The following PIEZO2 variants were observed in gnomAD, a reference collection of about 807,000 sequenced individuals.
PIEZO2 encodes piezo-type mechanosensitive ion channel component 2.
Under a neutral mutation model 337.3 loss-of-function variants are expected in PIEZO2, and 172 were observed. That is an observed-to-expected ratio of 0.51 (90% CI 0.45 to 0.58). The LOEUF (loss-of-function observed/expected upper bound fraction) is 0.58, where lower values mean the gene tolerates loss of function less well. PIEZO2 is among the 20% of genes least tolerant of loss of function. PIEZO2 has a pLI of 0.00. For missense variants in PIEZO2, 3,028 were observed against 3,391.3 expected (o/e 0.89, Z 2.66); for synonymous variants, 1,251 against 1,228.5 (o/e 1.02, Z -0.38).
chr18:11,060,511 A>G (rs1391681960), intron 2 of PIEZO2, among the ~76,000 whole-genome samples: 3 of 152,168 alleles, frequency 2.0e-5, no homozygotes, highest in African/African-American at 7.2e-5. Flanking sequence ...GACTGCTAGC[A>G]AGACTAATAA....
chr18:10,977,677 C>T (rs1214952326), intron 3 of PIEZO2, among the ~76,000 whole-genome samples: 1 of 152,116 alleles, frequency 6.6e-6, no homozygotes, highest in Non-Finnish European at 1.5e-5. Flanking sequence ...AATGGGATAA[C>T]ATGTGGTTTT....
intron 45 of PIEZO2, 74 bp downstream of exon 45, chr18:10,697,674 C>G: frequency 6.5e-7 from 1 of 1,549,536 alleles, no homozygotes; most frequent in Non-Finnish European, 8.7e-7. Context: ...CTGCTCTGCT[C>G]CTGGTTTATA....
chr18:10,807,117 G>A lies in PIEZO2; in HGVS notation c.1075C>T (p.Pro359Ser). The A allele has an allele frequency of 6.5e-7, 1 of 1,534,756 alleles. No individual in the cohort carries two copies. Among genetic ancestry groups the A allele is most frequent in the South Asian group, 1.2e-5 (1 of 83,894 alleles). The change falls in exon 8 of 56, where the codon CCC (proline) becomes TCC (serine). Residue 359 changes from proline to serine, a missense_variant. Transcript: ENST00000674853. ...ATLIRIWLQE[P>S]LVQDEGTKEE... is the part of the protein sequence containing the mutation. ...GAAAATGTTTTTGTCCTTACAAGGG[G>A]CTCTTGCAGCCAGATGCGGATCAGA...
chr18:10,872,053 T>C lies in PIEZO2; in HGVS notation c.330-638A>G, dbSNP rs1302758158. Among the ~76,000 whole-genome samples, 2 of 152,186 alleles carry C rather than the reference T, an allele frequency of 1.3e-5. No individual in the cohort carries two copies. Among genetic ancestry groups the C allele is most frequent in the Non-Finnish European group, 2.9e-5 (2 of 68,038 alleles). ...CATCTGTTCTGCTGTGCTGAGGAAG[T>C]AATACTATTTGCCTTCCTTATTTTG... On this transcript the variant is annotated intron_variant, in intron 4 of 55. Coordinates refer to ENST00000674853, the MANE Select transcript of PIEZO2 (RefSeq NM_001378183.1). This position sits in a 1 kb window ranked among gnomAD's most constrained non-coding sequence, Gnocchi z 4.3.
At chr18:10,985,196 G>A (rs533427320) in intron 2 of PIEZO2, among the ~76,000 whole-genome samples, 42 of 151,874 alleles carry the variant, frequency 2.8e-4, no homozygotes, top group African/African-American at 1.0e-3. Flanking sequence ...ATACCGTAAT[G>A]GTGATATGTA....
At chr18:10,777,256 C>T (rs2038823291) in intron 18 of PIEZO2, among the ~76,000 whole-genome samples, 2 of 152,228 alleles carry the variant, frequency 1.3e-5, no homozygotes, top group Non-Finnish European at 2.9e-5. Context: ...TGGCTCTCTC[C>T]TTTCATGTTC....
At chr18:10,983,570 G>A (rs536935106) in intron 2 of PIEZO2, among the ~76,000 whole-genome samples, 1 of 152,190 alleles carries the variant, frequency 6.6e-6, no homozygotes, top group South Asian at 2.1e-4. Flanking sequence ...GGAGAAGAGA[G>A]TGCACAACAA....
At chr18:10,991,730 T>G (rs771834829) in intron 2 of PIEZO2, among the ~76,000 whole-genome samples, 24 of 152,184 alleles carry the variant, frequency 1.6e-4, no homozygotes, top group Non-Finnish European at 2.2e-4. Flanking sequence ...TTTATAATCC[T>G]TGGGGTATAT....
Position 11,096,531 on chromosome 18 carries a change from A to G in PIEZO2, c.65-30309T>C, listed in dbSNP as rs2039267828. Among the ~76,000 whole-genome samples, 1 of 152,180 alleles carries G rather than the reference A, an allele frequency of 6.6e-6. No individual in the cohort carries two copies. ...AAACTGAAATGACGCTTTACTAAGC[A>G]TTCTCTGTGGCCATTCCCAGTTCTT... On this transcript the variant is annotated intron_variant, in intron 1 of 55. Transcript: ENST00000674853. This position sits in a 1 kb window ranked among gnomAD's most constrained non-coding sequence, Gnocchi z 4.6.
In PIEZO2 at chr18:11,035,846, C is replaced by T. The variant is rs1300280014; in HGVS notation, c.160+30281G>A. Among the ~76,000 whole-genome samples, 1 of 152,162 alleles carries T rather than the reference C, an allele frequency of 6.6e-6. No individual in the cohort carries two copies. Among genetic ancestry groups the T allele is most frequent in the Admixed American group, 6.5e-5 (1 of 15,284 alleles). Reference sequence around the variant, plus strand: ...GACTCTTAAAGCCCATGGGTGTCTCCCCTAATGAACAGCAAATAATATCTG... The same window carrying T: ...GACTCTTAAAGCCCATGGGTGTCTCTCCTAATGAACAGCAAATAATATCTG... On this transcript the variant is annotated intron_variant, in intron 2 of 55. Transcript: ENST00000674853. The surrounding 1 kb of genome is among the most constrained non-coding windows in gnomAD (Gnocchi z 4.3).
chr18:10,733,109 G>A (rs892232077), intron 35 of PIEZO2, among the ~76,000 whole-genome samples: 3 of 152,104 alleles, frequency 2.0e-5, no homozygotes, highest in Non-Finnish European at 4.4e-5. Context: ...GGGTGGAATC[G>A]AAGAAGTCTT....
chr18:10,941,003 C>T (rs141847816), intron 3 of PIEZO2, among the ~76,000 whole-genome samples: 18 of 152,238 alleles, frequency 1.2e-4, no homozygotes, highest in East Asian at 7.7e-4. Context: ...CAATTGTACA[C>T]GACCAAACTT....
chr18:10,871,968 T>C (rs1255259489), intron 4 of PIEZO2, among the ~76,000 whole-genome samples: 2 of 152,294 alleles, frequency 1.3e-5, no homozygotes, highest in East Asian at 3.9e-4. Flanking sequence ...CTTAGAAGAT[T>C]TGAGTTCAAG....
chr18:10,700,959 G>C (rs1027933723), intron 43 of PIEZO2, among the ~76,000 whole-genome samples: 1 of 152,180 alleles, frequency 6.6e-6, no homozygotes. Context: ...CTAGAGTGAG[G>C]AGGCTGACCA....
intron 4 of PIEZO2, among the ~76,000 whole-genome samples, chr18:10,908,953 G>C (rs2030210782): frequency 6.6e-6 from 1 of 152,176 alleles, no homozygotes; most frequent in Non-Finnish European, 1.5e-5. Context: ...AGTCTACAGT[G>C]GAGGTCAACA....
At chr18:10,729,618 T>A (rs2036682632) in intron 36 of PIEZO2, among the ~76,000 whole-genome samples, 1 of 87,672 alleles carries the variant, frequency 1.1e-5, no homozygotes, top group Non-Finnish European at 2.3e-5. Context: ...AGCGAGACTC[T>A]GTCTCAAAAA....
At chr18:10,957,434 C>A (rs367771218) in intron 3 of PIEZO2, among the ~76,000 whole-genome samples, 212 of 148,568 alleles carry the variant, frequency 1.4e-3, no homozygotes, top group African/African-American at 3.4e-3. Flanking sequence ...ACAACAACAA[C>A]AAAAAAACAT....
chr18:10,715,943 G>A (rs1354969815), intron 37 of PIEZO2, 127 bp from the exon 38 acceptor site: 3 of 732,374 alleles, frequency 4.1e-6, no homozygotes, highest in Non-Finnish European at 6.5e-6. Context: ...TAAGGCATGT[G>A]ACTCAGATAC....
chr18:10,813,266 A>T lies in PIEZO2; in HGVS notation c.918-5992T>A, dbSNP rs761287424. On this transcript the variant is annotated intron_variant, in intron 7 of 55. Transcript: ENST00000674853. This position sits in a 1 kb window ranked among gnomAD's most constrained non-coding sequence, Gnocchi z 4.2. Reference sequence around the variant, plus strand: ...AGTGCTGGCATTACAGGAGTGAGCCACCGCGCCCGGGCCATTTTAAACATT... The same window carrying T: ...AGTGCTGGCATTACAGGAGTGAGCCTCCGCGCCCGGGCCATTTTAAACATT... Among the ~76,000 whole-genome samples, 1 of 152,216 alleles carries T rather than the reference A, an allele frequency of 6.6e-6. No individual in the cohort carries two copies. Among genetic ancestry groups the T allele is most frequent in the Non-Finnish European group, 1.5e-5 (1 of 68,036 alleles).
Sources: allele counts gnomAD v4.1 joint callset (sites outside exome capture counted in the v4.1 genomes callset), GRCh38; gene constraint gnomAD v4.1.1; non-coding constraint Gnocchi (gnomAD v3.1); transcripts MANE v1.5; gene names NCBI Gene and HGNC (gene_info 2026-07-23, HGNC 2026-07-21).